OR14J1: variants seen among roughly 807,000 people sequenced by gnomAD.
The protein encoded by OR14J1 is olfactory receptor 14J1.
For synonymous variants in OR14J1, 140 were observed against 146.7 expected (o/e 0.95, Z 0.33); for missense variants, 378 against 393.4 (o/e 0.96, Z 0.33).
At position 29,307,535 on chromosome 6, in the gene OR14J1, A is replaced by G. The variant is rs1775197889; in HGVS notation, c.846A>G (p.Thr282=). 2 of 1,612,720 alleles carry G rather than the reference A, an allele frequency of 1.2e-6. No homozygotes were observed. The highest frequency in any genetic ancestry group is 1.7e-6 in the Non-Finnish European group (2 of 1,179,974). ...FSVFYTVIPP[T]LNPVIYSLRN... The stretch of plus-strand genomic sequence containing the variant: ...TATTCTATACTGTGATACCTCCAAC[A>G]CTCAATCCAGTCATTTATAGCTTAC... Residue 282 remains threonine (T), a synonymous_variant, in exon 2 of 2, where the codon ACA becomes ACG. Transcript: ENST00000641895.
rs754225286 is a variant in OR14J1, at chr6:29,309,582, G to A, written c.*1927G>A. 13 of 152,114 alleles carry A rather than the reference G, an allele frequency of 8.5e-5. No homozygotes were observed. Among genetic ancestry groups the A allele is most frequent in the African/African-American group, 2.7e-4 (11 of 41,414 alleles). The allele number at this position is 152,114 out of a possible 1,614,324, so 9.4% of individuals were successfully genotyped here. A position where few individuals can be genotyped will look rare whatever the true frequency, so the allele number is the denominator to read the frequency against. On this transcript the variant is annotated 3_prime_UTR_variant, in exon 2 of 2. Coordinates refer to ENST00000641895, the MANE Select transcript of OR14J1 (RefSeq NM_030946.2). ...TTTTTAATGATAGCCATTCTAACTGGCATGAGATGGTATCTCATTATGGTT... is the reference window on the plus strand; with the variant it reads ...TTTTTAATGATAGCCATTCTAACTGACATGAGATGGTATCTCATTATGGTT...
Position 29,307,498 on chromosome 6 carries a change from T to C in OR14J1, c.809T>C (p.Leu270Pro). The change falls in exon 2 of 2, where the codon CTT becomes CCT. Residue 270 changes from leucine (L) to proline (P), a missense_variant. By Grantham distance (98) the Leu-to-Pro change is moderately conservative. Transcript: ENST00000641895. ...TCTGATTCCTCATCGACTGTGGACC[T>C]TGTATTCTCCGTATTCTATACTGTG... The part of the protein sequence containing the change: ...LPSDSSSTVD[L>P]VFSVFYTVIP... 1 of 1,613,018 alleles carries C rather than the reference T, an allele frequency of 6.2e-7. No homozygotes were observed. Among genetic ancestry groups the C allele is most frequent in the Non-Finnish European group, 8.5e-7 (1 of 1,179,998 alleles).
In OR14J1 at chr6:29,306,938, A is replaced by T; in HGVS notation, c.249A>T (p.Ser83=). 6.2e-7 allele frequency: 1 copy of T among 1,613,002 alleles called. No homozygotes were observed. Among genetic ancestry groups the T allele is most frequent in the Non-Finnish European group, 8.5e-7 (1 of 1,180,028 alleles). The change falls in exon 2 of 2, where the codon TCA becomes TCT. Residue 83 remains serine (S), a synonymous_variant. Coordinates refer to ENST00000641895, the MANE Select transcript of OR14J1 (RefSeq NM_030946.2). The part of the protein sequence containing the change: ...SVTVPQSIAN[S]LMGNGYISLV... Reference sequence around the variant, plus strand: ...CAGTCCCCCAGTCCATTGCAAATTCACTTATGGGCAACGGTTACATTTCTC... The same window carrying T: ...CAGTCCCCCAGTCCATTGCAAATTCTCTTATGGGCAACGGTTACATTTCTC...
Position 29,307,080 on chromosome 6 carries a change from G to T in OR14J1, c.391G>T (p.Glu131Ter). Reference protein sequence around the residue: ...YAAICQPLHYETIMDPRACRH... With the variant: ...YAAICQPLHY The stretch of plus-strand genomic sequence containing the variant: ...AGCAATCTGTCAACCACTTCATTAT[G>T]AGACTATTATGGATCCCCGTGCCTG... The change falls in exon 2 of 2, where the codon GAG becomes TAG. Residue 131 changes from glutamate to a stop codon, truncating the protein, a stop_gained. Transcript: ENST00000641895. LOFTEE classifies it low-confidence loss of function (END_TRUNC). The T allele has an allele frequency of 6.2e-7, 1 of 1,613,024 alleles. No homozygotes were observed.
rs538609796 is a variant in OR14J1, at chr6:29,307,684, T to C, written c.*29T>C. 67 of 1,333,726 alleles carry C rather than the reference T, an allele frequency of 5.0e-5. 1 individual carries two copies. In the Middle Eastern group the frequency reaches 9.3e-4, roughly 19 times the overall value. The allele number at this position is 1,333,726 out of a possible 1,614,324, so 82.6% of individuals were successfully genotyped here. A position where few individuals can be genotyped will look rare whatever the true frequency, so the allele number is the denominator to read the frequency against. On this transcript the variant is annotated 3_prime_UTR_variant, in exon 2 of 2. Transcript: ENST00000641895. ...ACCATACAAATGAAAGGCATTGTTATTATGTTTCAGATTGGAAGAGAGGTG... is the reference window on the plus strand; with the variant it reads ...ACCATACAAATGAAAGGCATTGTTACTATGTTTCAGATTGGAAGAGAGGTG...
chr6:29,303,154 C>T (rs914916761), intron 1 of OR14J1, among the ~76,000 whole-genome samples: 2 of 152,154 alleles, frequency 1.3e-5, no homozygotes, highest in Non-Finnish European at 2.9e-5. Flanking sequence ...CTATTATTTT[C>T]TATTGTGTAG....
intron 1 of OR14J1, among the ~76,000 whole-genome samples, chr6:29,304,847 A>G (rs991486543): frequency 6.6e-6 from 1 of 152,182 alleles, no homozygotes; most frequent in Non-Finnish European, 1.5e-5. Flanking sequence ...TTACATTAAC[A>G]ATGTGTATTA....
At position 29,307,385 on chromosome 6, in the gene OR14J1, G is replaced by A. The variant is rs1775183437; in HGVS notation, c.696G>A (p.Arg232=). The A allele has an allele frequency of 6.2e-7, 1 of 1,613,026 alleles. No individual in the cohort carries two copies. The highest frequency in any genetic ancestry group is 8.5e-7 in the Non-Finnish European group (1 of 1,180,020). ...TGAGAATCCCATCAGCTGAGGGCCGGACCAAGGTCTTCTCCACCTGCCTAC... is the reference window on the plus strand; with the variant it reads ...TGAGAATCCCATCAGCTGAGGGCCGAACCAAGGTCTTCTCCACCTGCCTAC... ...TVLRIPSAEG[R]TKVFSTCLPH... The change falls in exon 2 of 2, where the codon CGG becomes CGA. Residue 232 remains arginine, a synonymous_variant. Transcript: ENST00000641895.
In OR14J1 at chr6:29,309,296, G is replaced by T. The variant is rs1189395305; in HGVS notation, c.*1641G>T. ...TCCAGTGTATTATTGATGGGCATTT[G>T]GGTTGGTTTCAAGTCTTTGCTATTG... On this transcript the variant is annotated 3_prime_UTR_variant, in exon 2 of 2. Transcript: ENST00000641895. 6.6e-6 allele frequency: 1 copy of T among 152,128 alleles called. No homozygotes were observed. The highest frequency in any genetic ancestry group is 1.5e-5 in the Non-Finnish European group (1 of 68,038). The allele number at this position is 152,128 out of a possible 1,614,324, so 9.4% of individuals were successfully genotyped here. A position where few individuals can be genotyped will look rare whatever the true frequency, so the allele number is the denominator to read the frequency against.
chr6:29,305,652 TATA>T (rs1157711783), intron 1 of OR14J1, among the ~76,000 whole-genome samples: 4 of 152,126 alleles, frequency 2.6e-5, no homozygotes, highest in Non-Finnish European at 5.9e-5. Flanking sequence ...GTGTTGATTC[TATA>T]ATAATAGCAC....
rs1423923972 is a variant in OR14J1 at position 29,308,053 on chromosome 6, A to T, written c.*398A>T. ...AGTATTCATATTAAGTTCTTTTACT[A>T]TTATTACAGTGGTGATTTCAACAAT... On this transcript the variant is annotated 3_prime_UTR_variant, in exon 2 of 2. Coordinates refer to ENST00000641895, the MANE Select transcript of OR14J1 (RefSeq NM_030946.2). 6.4e-6 allele frequency: 1 copy of T among 156,764 alleles called. No homozygotes were observed. The highest frequency in any genetic ancestry group is 1.4e-5 in the Non-Finnish European group (1 of 71,166). The allele number at this position is 156,764 out of a possible 1,614,324, so 9.7% of individuals were successfully genotyped here.
chr6:29,302,376 G>T (rs544196755), intron 1 of OR14J1, among the ~76,000 whole-genome samples: 20 of 151,524 alleles, frequency 1.3e-4, no homozygotes, highest in Admixed American at 4.6e-4. Flanking sequence ...ATGGGGTTTC[G>T]CCATTTTGGC....
At chr6:29,304,764 TA>T (rs1774964054) in intron 1 of OR14J1, among the ~76,000 whole-genome samples, 1 of 152,162 alleles carries the variant, frequency 6.6e-6, no homozygotes, top group African/African-American at 2.4e-5. Context: ...AGTTTTTTCT[TA>T]CGATTTTTCT....
chr6:29,306,530 A>G, intron 1 of OR14J1, 132 bp from the exon 2 acceptor site: 1 of 648,730 alleles, frequency 1.5e-6, no homozygotes. Flanking sequence ...TTTGAATTGA[A>G]TATTAACTAA....
At chr6:29,303,239 C>A (rs921843403) in intron 1 of OR14J1, among the ~76,000 whole-genome samples, 9 of 152,106 alleles carry the variant, frequency 5.9e-5, no homozygotes, top group Admixed American at 5.9e-4. Context: ...AAGAAAGTGT[C>A]AGGACAAATT....
chr6:29,306,667 C>A lies in OR14J1; in HGVS notation c.-23C>A. Reference sequence around the variant, plus strand: ...GTCTTTGGCTTCCTAAACAGAGTCACACTTGGTATCTTCAGAGAGACTATG... The same window carrying A: ...GTCTTTGGCTTCCTAAACAGAGTCAAACTTGGTATCTTCAGAGAGACTATG... On this transcript the variant is annotated 5_prime_UTR_variant, in exon 2 of 2. Transcript: ENST00000641895. 6.6e-7 allele frequency: 1 copy of A among 1,507,400 alleles called. No individual in the cohort carries two copies. Among genetic ancestry groups the A allele is most frequent in the Non-Finnish European group, 9.2e-7 (1 of 1,088,514 alleles). 93.4% of individuals were successfully genotyped at this position (1,507,400 alleles called of 1,614,324 possible). A position where few individuals can be genotyped will look rare whatever the true frequency, so the allele number is the denominator to read the frequency against.
Position 29,306,931 on chromosome 6 carries a change from C to T in OR14J1, c.242C>T (p.Ala81Val). ...FISVTVPQSIANSLMGNGYIS... is the reference protein window; with the variant it reads ...FISVTVPQSIVNSLMGNGYIS... Reference sequence around the variant, plus strand: ...TCTGTCACAGTCCCCCAGTCCATTGCAAATTCACTTATGGGCAACGGTTAC... The same window carrying T: ...TCTGTCACAGTCCCCCAGTCCATTGTAAATTCACTTATGGGCAACGGTTAC... Residue 81 changes from alanine to valine, a missense_variant, in exon 2 of 2, where the codon GCA becomes GTA. Physicochemically the swap from Ala to Val is moderately conservative, Grantham distance 64. Coordinates refer to ENST00000641895, the MANE Select transcript of OR14J1 (RefSeq NM_030946.2). The T allele has an allele frequency of 6.2e-7, 1 of 1,613,088 alleles. No individual in the cohort carries two copies. Among genetic ancestry groups the T allele is most frequent in the Non-Finnish European group, 8.5e-7 (1 of 1,180,020 alleles).
At chr6:29,306,069 A>C (rs1336319391) in intron 1 of OR14J1, among the ~76,000 whole-genome samples, 1 of 152,202 alleles carries the variant, frequency 6.6e-6, no homozygotes, top group Non-Finnish European at 1.5e-5. Context: ...TGGCATCTGC[A>C]TTTTACAATT....
Position 29,307,342 on chromosome 6 carries a change from G to C in OR14J1, c.653G>C (p.Arg218Pro). 2 of 1,612,988 alleles carry C rather than the reference G, an allele frequency of 1.2e-6. No homozygotes were observed. Among genetic ancestry groups the C allele is most frequent in the Non-Finnish European group, 1.7e-6 (2 of 1,180,028 alleles). The change falls in exon 2 of 2, where the codon CGC (arginine) becomes CCC (proline). Residue 218 changes from arginine (R) to proline (P), a missense_variant. Physicochemically the swap from Arg to Pro is moderately radical, Grantham distance 103. Transcript: ENST00000641895. Reference sequence around the variant, plus strand: ...ATCTCCATTGTGCTCTCCTACATTCGCATCTTCTCTACAGTGCTGAGAATC... The same window carrying C: ...ATCTCCATTGTGCTCTCCTACATTCCCATCTTCTCTACAGTGCTGAGAATC... ...CLISIVLSYI[R>P]IFSTVLRIPS...
Sources: gnomAD v4.1 joint callset for allele counts (sites outside exome capture counted in the v4.1 genomes callset) on GRCh38, gnomAD v4.1.1 for gene constraint, MANE v1.5 for transcripts, NCBI Gene and HGNC (gene_info 2026-07-23, HGNC 2026-07-21) for gene names.